ELL: variants seen among roughly 807,000 people sequenced by gnomAD.
ELL encodes RNA polymerase II elongation factor ELL.
Under a neutral mutation model 64.0 loss-of-function variants are expected in ELL, and 18 were observed. The observed-to-expected ratio is 0.28, with a 90% CI of 0.19 to 0.42. The LOEUF (loss-of-function observed/expected upper bound fraction) is 0.42, where lower values mean the gene tolerates loss of function less well. Among genes scored for constraint, ELL ranks in the 10% least tolerant of loss-of-function variants. The pLI is 1.00. For missense variants in ELL, 797 were observed against 870.4 expected (o/e 0.92, Z 1.06); for synonymous variants, 399 against 376.2 (o/e 1.06, Z -0.70).
Position 18,450,766 on chromosome 19 carries a change from C to A in ELL, c.1176G>T (p.Arg392Ser). ...THLPPRLEPP[R>S]AHDPLADVSN... ...TGACATCGGCCAGGGGGTCGTGGGC[C>A]CTCGGGGGCTCCAGCCGCGGGGGCA... The change falls in exon 8 of 12, where the codon AGG (arginine) becomes AGT (serine). Residue 392 changes from arginine to serine, a missense_variant. Physicochemically the swap from Arg to Ser is moderately radical, Grantham distance 110. Coordinates refer to ENST00000262809, the MANE Select transcript of ELL (RefSeq NM_006532.4). 6.3e-7 allele frequency: 1 copy of A among 1,579,996 alleles called. No homozygotes were observed. The highest frequency in any genetic ancestry group is 8.6e-7 in the Non-Finnish European group (1 of 1,163,256).
chr19:18,492,878 C>T (rs900032354), intron 1 of ELL, among the ~76,000 whole-genome samples: 10 of 152,060 alleles, frequency 6.6e-5, no homozygotes, highest in African/African-American at 9.7e-5. Flanking sequence ...AAAATGGGGC[C>T]GTGAAGTCCC....
chr19:18,497,763 G>C (rs917969264), intron 1 of ELL, among the ~76,000 whole-genome samples: 4 of 143,776 alleles, frequency 2.8e-5, no homozygotes, highest in African/African-American at 1.1e-4. Flanking sequence ...GCTGCAGTGA[G>C]CTATGGTTAT....
At chr19:18,479,688 G>A (rs917427488) in intron 1 of ELL, among the ~76,000 whole-genome samples, 1 of 130,626 alleles carries the variant, frequency 7.7e-6, no homozygotes, top group Non-Finnish European at 1.5e-5. Context: ...CAGCCTGCAC[G>A]ACAGAGTGAG....
At chr19:18,514,071 AGG>A (rs1976081623) in intron 1 of ELL, among the ~76,000 whole-genome samples, 1 of 152,092 alleles carries the variant, frequency 6.6e-6, no homozygotes, top group African/African-American at 2.4e-5. Flanking sequence ...CTTGGTCAGG[AGG>A]GTCCAGCCCT....
At chr19:18,479,859 G>A (rs1975260645) in intron 1 of ELL, among the ~76,000 whole-genome samples, 1 of 152,112 alleles carries the variant, frequency 6.6e-6, no homozygotes, top group Admixed American at 6.5e-5. Flanking sequence ...CTACCAGCCT[G>A]GGGACAATGA....
Position 18,465,864 on chromosome 19 carries a change from A to G in ELL, c.238T>C (p.Tyr80His). 1 of 1,348,402 alleles carries G rather than the reference A, an allele frequency of 7.4e-7. No individual in the cohort carries two copies. The highest frequency in any genetic ancestry group is 9.6e-7 in the Non-Finnish European group (1 of 1,041,040). 83.5% of individuals were successfully genotyped at this position (1,348,402 alleles called of 1,614,324 possible). A position where few individuals can be genotyped will look rare whatever the true frequency, so the allele number is the denominator to read the frequency against. Residue 80 changes from tyrosine (Y) to histidine (H), a missense_variant, in exon 3 of 12, where the codon TAC becomes CAC. Transcript: ENST00000262809. Reference sequence around the variant, plus strand: ...TTGTCGCGGCCGATGTTGGAGAGGTAGAAGGAGAACGTCCGCGCCTCTGCG... The same window carrying G: ...TTGTCGCGGCCGATGTTGGAGAGGTGGAAGGAGAACGTCCGCGCCTCTGCG... ...CPAEARTFSFYLSNIGRDNPQ... is the reference protein window; with the variant it reads ...CPAEARTFSFHLSNIGRDNPQ...
intron 1 of ELL, among the ~76,000 whole-genome samples, chr19:18,494,218 C>A (rs2144957388): frequency 6.6e-6 from 1 of 151,440 alleles, no homozygotes; most frequent in East Asian, 1.9e-4. Context: ...CAGAGCAAGA[C>A]CCTGCCACGA....
chr19:18,472,818 T>G lies in ELL; in HGVS notation c.183+17A>C, dbSNP rs370108366. 6.2e-7 allele frequency: 1 copy of G among 1,603,172 alleles called. No individual in the cohort carries two copies. The highest frequency in any genetic ancestry group is 8.5e-7 in the Non-Finnish European group (1 of 1,177,318). On this transcript the variant is annotated intron_variant, in intron 2 of 11. Transcript: ENST00000262809. ...GTCCCAAGATTCCAAATATGAATGATTAAGACAAAAACTTACCCCTTGGCT... is the reference window on the plus strand; with the variant it reads ...GTCCCAAGATTCCAAATATGAATGAGTAAGACAAAAACTTACCCCTTGGCT...
At position 18,444,298 on chromosome 19, in the gene ELL, G is replaced by A. The variant is rs1600415020; in HGVS notation, c.*454C>T. ...TGTAATACTGCAGGCAGGACCCAGG[G>A]CAGCGGCTAGACCCTGGGTGTCCGA... On this transcript the variant is annotated 3_prime_UTR_variant, in exon 12 of 12. Transcript: ENST00000262809. 4.2e-6 allele frequency: 1 copy of A among 237,824 alleles called. No individual in the cohort carries two copies. Among genetic ancestry groups the A allele is most frequent in the Non-Finnish European group, 8.3e-6 (1 of 120,496 alleles). The allele number at this position is 237,824 out of a possible 1,614,324, so 14.7% of individuals were successfully genotyped here.
At chr19:18,517,529 G>C (rs1451353448) in intron 1 of ELL, among the ~76,000 whole-genome samples, 1 of 152,004 alleles carries the variant, frequency 6.6e-6, no homozygotes, top group Non-Finnish European at 1.5e-5. Context: ...GGGATTACAG[G>C]TGTGAGCCAC....
chr19:18,513,982 C>T (rs1422915233), intron 1 of ELL, among the ~76,000 whole-genome samples: 1 of 152,022 alleles, frequency 6.6e-6, no homozygotes, highest in African/African-American at 2.4e-5. Flanking sequence ...ATTCCACAAA[C>T]TTGACCAGAA....
In ELL at chr19:18,458,431, G is replaced by C; in HGVS notation, c.745-102C>G. The C allele has an allele frequency of 2.0e-6, 3 of 1,516,848 alleles. 1 individual carries two copies. In the South Asian group the frequency reaches 3.8e-5, roughly 19 times the overall value. The allele number at this position is 1,516,848 out of a possible 1,614,324, so 94.0% of individuals were successfully genotyped here. Reference sequence around the variant, plus strand: ...GGGTTTGGGAGGGTGTGCAGAGACAGTGGGAGACAGACAGAGACAGAGGAG... The same window carrying C: ...GGGTTTGGGAGGGTGTGCAGAGACACTGGGAGACAGACAGAGACAGAGGAG... On this transcript the variant is annotated intron_variant, in intron 5 of 11. Transcript: ENST00000262809.
In ELL at chr19:18,462,334, G is replaced by GGTGT. The variant is rs765676443; in HGVS notation, c.470-483_470-482insACAC. Among the ~76,000 whole-genome samples, 785 of 90,516 alleles carry GGTGT rather than the reference G, an allele frequency of 8.7e-3. 20 individuals are homozygous for GGTGT. The highest frequency in any genetic ancestry group is 0.021 in the South Asian group (52 of 2,524). The allele number at this position is 90,516 out of a possible 152,430, so 59.4% of individuals were successfully genotyped here. The stretch of plus-strand genomic sequence containing the variant: ...TGAAATCACCTGATCACTCTAGTGG[G>GGTGT]CTGTGTGTGTGTGTGTGTGTGTGTG... On this transcript the variant is annotated intron_variant, in intron 4 of 11. Coordinates refer to ENST00000262809, the MANE Select transcript of ELL (RefSeq NM_006532.4).
intron 1 of ELL, among the ~76,000 whole-genome samples, chr19:18,521,512 G>A (rs1309623587): frequency 1.3e-5 from 2 of 152,138 alleles, no homozygotes; most frequent in East Asian, 3.9e-4. Context: ...GCCCCAGATG[G>A]AAAAGCCCCC....
chr19:18,520,272 C>G (rs1158664446), intron 1 of ELL, among the ~76,000 whole-genome samples: 1 of 152,120 alleles, frequency 6.6e-6, no homozygotes, highest in Non-Finnish European at 1.5e-5. Flanking sequence ...AGCTCTCCCC[C>G]AGCTGTTTCT....
At chr19:18,472,633 G>A in intron 2 of ELL, 1 of 589,298 alleles carries the variant, frequency 1.7e-6, no homozygotes, top group Non-Finnish European at 2.9e-6. Context: ...CATTGCCCAA[G>A]CAGCCTGTGA....
intron 1 of ELL, among the ~76,000 whole-genome samples, chr19:18,504,052 C>T (rs1022813479): frequency 1.3e-5 from 2 of 152,228 alleles, no homozygotes; most frequent in African/African-American, 2.4e-5. Flanking sequence ...AGGGAGGCCT[C>T]GCCTGGTGGC....
chr19:18,488,437 G>C (rs1043592392), intron 1 of ELL, among the ~76,000 whole-genome samples: 2 of 152,208 alleles, frequency 1.3e-5, no homozygotes, highest in African/African-American at 4.8e-5. Flanking sequence ...GACCAGCAGG[G>C]CATGTGCTGG....
chr19:18,489,136 A>G (rs961295534), intron 1 of ELL, among the ~76,000 whole-genome samples: 6 of 152,214 alleles, frequency 3.9e-5, no homozygotes, highest in Non-Finnish European at 8.8e-5. Flanking sequence ...TTTCGGCTCA[A>G]GGTGACATGG....
Sources: allele counts gnomAD v4.1 joint callset (sites outside exome capture counted in the v4.1 genomes callset), GRCh38; gene constraint gnomAD v4.1.1; transcripts MANE v1.5; gene names NCBI Gene and HGNC (gene_info 2026-07-23, HGNC 2026-07-21).